EFHD1: variants seen among roughly 807,000 people sequenced by gnomAD.
EFHD1 encodes the protein EF-hand domain family member D1.
Under a neutral mutation model 17.2 loss-of-function variants are expected in EFHD1, and 10 were observed. That is an observed-to-expected ratio of 0.58 (90% CI 0.36 to 0.99). The LOEUF is 0.99. EFHD1 is among the 50% of genes least tolerant of loss of function. The pLI is 0.01. For synonymous variants in EFHD1, 153 were observed against 142.0 expected (o/e 1.08, Z -0.55); for missense variants, 310 against 327.5 (o/e 0.95, Z 0.41).
chr2:232,611,096 T>C (rs1398538233), intron 1 of EFHD1, among the ~76,000 whole-genome samples: 1 of 152,146 alleles, frequency 6.6e-6, no homozygotes, highest in African/African-American at 2.4e-5. Flanking sequence ...GGGGATCCCT[T>C]GAGCCCAGAA....
At chr2:232,616,079 G>A (rs1693923754) in intron 1 of EFHD1, among the ~76,000 whole-genome samples, 1 of 152,086 alleles carries the variant, frequency 6.6e-6, no homozygotes, top group Non-Finnish European at 1.5e-5. Context: ...GGCGTGCCAT[G>A]TTCATAGCCG....
intron 1 of EFHD1, among the ~76,000 whole-genome samples, chr2:232,653,556 C>T (rs935460504): frequency 1.2e-4 from 19 of 152,200 alleles, no homozygotes; most frequent in Admixed American, 2.0e-4. Context: ...TCCCAAAGTG[C>T]TGGGATTACG....
At chr2:232,634,336 T>A (rs997279409) in intron 1 of EFHD1, among the ~76,000 whole-genome samples, 6 of 151,022 alleles carry the variant, frequency 4.0e-5, no homozygotes, top group African/African-American at 1.5e-4. Flanking sequence ...CGAAAGCAAC[T>A]TCTAGGAAAG....
At chr2:232,678,271 GAAA>G (rs200975760) in intron 3 of EFHD1, among the ~76,000 whole-genome samples, 3 of 134,482 alleles carry the variant, frequency 2.2e-5, no homozygotes, top group Non-Finnish European at 4.9e-5. Flanking sequence ...ATCTCAAAAA[GAAA>G]AAAAAAAAGA....
chr2:232,622,232 C>A (rs1185765264), intron 1 of EFHD1, among the ~76,000 whole-genome samples: 2 of 152,212 alleles, frequency 1.3e-5, no homozygotes, highest in African/African-American at 4.8e-5. Context: ...CTCTGGGAGG[C>A]CGAGGCAGGC....
intron 1 of EFHD1, among the ~76,000 whole-genome samples, chr2:232,640,021 C>T (rs1339953032): frequency 6.6e-6 from 1 of 152,212 alleles, no homozygotes; most frequent in Non-Finnish European, 1.5e-5. Context: ...TCTATAGCCT[C>T]CTCCTGCTTC....
chr2:232,672,204 A>G (rs1417188838), intron 2 of EFHD1, 105 bp from the exon 3 acceptor site: 5 of 1,500,026 alleles, frequency 3.3e-6, no homozygotes, highest in Non-Finnish European at 4.6e-6. Flanking sequence ...ATACATAAAC[A>G]TCTTTCTTAA....
At position 232,640,604 on chromosome 2, in the gene EFHD1, C is replaced by T. The variant is rs1018122794; in HGVS notation, c.302+6598C>T. 2.6e-5 allele frequency among the ~76,000 whole-genome samples: 4 copies of T among 152,270 alleles called. No individual in the cohort carries two copies. The East Asian group carries it at 5.8e-4, about 22-fold the overall frequency. On this transcript the variant is annotated intron_variant, in intron 1 of 3. Coordinates refer to ENST00000264059, the MANE Select transcript of EFHD1 (RefSeq NM_025202.4). The stretch of plus-strand genomic sequence containing the variant: ...TGTATAATCTGGAAGGATCTTGGCC[C>T]TTGAGAAGCTCAACAAATGCTGACA...
intron 1 of EFHD1, among the ~76,000 whole-genome samples, chr2:232,643,551 AT>A (rs1207741246): frequency 3.0e-3 from 426 of 139,716 alleles, no homozygotes; most frequent in Non-Finnish European, 2.8e-3. Context: ...CACCTGGCTA[AT>A]TTTTTTTTTT....
At chr2:232,617,377 G>A (rs914682155) in intron 1 of EFHD1, among the ~76,000 whole-genome samples, 4 of 152,112 alleles carry the variant, frequency 2.6e-5, no homozygotes, top group South Asian at 2.1e-4. Context: ...CTGGCCGGGC[G>A]CAGTGGCTCA....
intron 1 of EFHD1, among the ~76,000 whole-genome samples, chr2:232,642,475 G>C (rs527791404): frequency 4.0e-5 from 6 of 151,648 alleles, no homozygotes; most frequent in Non-Finnish European, 8.8e-5. Context: ...CTTGACTTCC[G>C]GTCTTGGAAC....
intron 1 of EFHD1, among the ~76,000 whole-genome samples, chr2:232,617,097 C>T (rs541938709): frequency 6.6e-6 from 1 of 152,326 alleles, no homozygotes; most frequent in South Asian, 2.1e-4. Context: ...CTCTTCGGGG[C>T]CCATTGACTG....
chr2:232,669,275 G>A (rs1035505831), intron 2 of EFHD1, among the ~76,000 whole-genome samples: 1 of 152,124 alleles, frequency 6.6e-6, no homozygotes, highest in Non-Finnish European at 1.5e-5. Context: ...AGTCTCTGCC[G>A]GCCTCTAGTG....
At position 232,648,224 on chromosome 2, in the gene EFHD1, G is replaced by A. The variant is rs142293958; in HGVS notation, c.302+14218G>A. Among the ~76,000 whole-genome samples, 491 of 152,270 alleles carry A rather than the reference G, an allele frequency of 3.2e-3. 1 individual carries two copies. The highest frequency in any genetic ancestry group is 0.011 in the African/African-American group (446 of 41,566). ...ACTCACTGCAGTGAGTGAATAAGCC[G>A]AGTGTTTGGGGCACAAGGAGAGCTG... On this transcript the variant is annotated intron_variant, in intron 1 of 3. Coordinates refer to ENST00000264059, the MANE Select transcript of EFHD1 (RefSeq NM_025202.4).
intron 1 of EFHD1, among the ~76,000 whole-genome samples, chr2:232,636,124 T>G (rs1694314096): frequency 6.6e-6 from 1 of 152,198 alleles, no homozygotes; most frequent in African/African-American, 2.4e-5. Context: ...GGTGGTGGTA[T>G]GGCCACAACA....
At chr2:232,648,764 C>T (rs1694580933) in intron 1 of EFHD1, among the ~76,000 whole-genome samples, 2 of 152,130 alleles carry the variant, frequency 1.3e-5, no homozygotes, top group Admixed American at 1.3e-4. Flanking sequence ...ATTTGTAACA[C>T]TCCTGGGTGA....
In EFHD1 at chr2:232,633,926, C is replaced by A; in HGVS notation, c.222C>A (p.Arg74=). 6.3e-7 allele frequency: 1 copy of A among 1,592,600 alleles called. No homozygotes were observed. Among genetic ancestry groups the A allele is most frequent in the Non-Finnish European group, 8.5e-7 (1 of 1,177,334 alleles). The change falls in exon 1 of 4, where the codon CGC becomes CGA. Residue 74 remains arginine, a synonymous_variant. Transcript: ENST00000264059. ...ACGAGGGCGCTGCGCGGCCCCGGCGCTGCAGGGTCTTCAACCCCTACACGG... is the reference window on the plus strand; with the variant it reads ...ACGAGGGCGCTGCGCGGCCCCGGCGATGCAGGGTCTTCAACCCCTACACGG... ...DINEGAARPR[R]CRVFNPYTEF... is the part of the protein sequence containing the mutation.
chr2:232,643,993 C>G (rs764277747), intron 1 of EFHD1, among the ~76,000 whole-genome samples: 23 of 152,190 alleles, frequency 1.5e-4, no homozygotes, highest in Non-Finnish European at 2.6e-4. Flanking sequence ...CTGGGATTCC[C>G]TGTGATTTTT....
chr2:232,609,810 A>G (rs1160947352), intron 1 of EFHD1, among the ~76,000 whole-genome samples: 1 of 152,194 alleles, frequency 6.6e-6, no homozygotes, highest in African/African-American at 2.4e-5. Flanking sequence ...CACACAACAC[A>G]AAAACTCCAG....
Sources: allele counts gnomAD v4.1 joint callset (sites outside exome capture counted in the v4.1 genomes callset), GRCh38; gene constraint gnomAD v4.1.1; transcripts MANE v1.5; gene names NCBI Gene and HGNC (gene_info 2026-07-23, HGNC 2026-07-21).